The following PPP2R2C variants were observed in gnomAD, a reference collection of about 807,000 sequenced individuals.
PPP2R2C encodes protein phosphatase 2 regulatory subunit Bgamma, also known as protein phosphatase 2, regulatory subunit B, gamma.
PPP2R2C carries 10 observed loss-of-function variants against 45.3 expected under a neutral mutation model. The observed-to-expected ratio is 0.22, with a 90% CI of 0.14 to 0.37. PPP2R2C has a LOEUF of 0.37. PPP2R2C is among the 10% of genes least tolerant of loss of function. PPP2R2C has a pLI of 1.00. For synonymous variants in PPP2R2C, 257 were observed against 245.4 expected (o/e 1.05, Z -0.44); for missense variants, 308 against 619.7 (o/e 0.50, Z 5.34).
chr4:6,559,738 G>A (rs1288217125), intron 1 of PPP2R2C, among the ~76,000 whole-genome samples: 2 of 152,186 alleles, frequency 1.3e-5, no homozygotes, highest in East Asian at 3.9e-4. Context: ...AGAGGGTACT[G>A]CAAGAAGGCA....
intron 1 of PPP2R2C, chr4:6,384,218 G>A (rs1438940932): frequency 6.1e-6 from 6 of 985,464 alleles, no homozygotes; most frequent in Middle Eastern, 5.2e-4. Context: ...GTCCCCGATG[G>A]GGCGCTGGTT....
chr4:6,524,788 A>C (rs978582549), intron 2 of PPP2R2C, among the ~76,000 whole-genome samples: 8 of 152,340 alleles, frequency 5.3e-5, no homozygotes, highest in Middle Eastern at 3.4e-3. Flanking sequence ...AATTTCATTT[A>C]GTTTGAAAAA....
intron 1 of PPP2R2C, among the ~76,000 whole-genome samples, chr4:6,561,429 T>C (rs1220089401): frequency 6.6e-6 from 1 of 150,934 alleles, no homozygotes; most frequent in African/African-American, 2.4e-5. Context: ...CATTTTGCAC[T>C]GAGCCCCACA....
intron 5 of PPP2R2C, chr4:6,348,606 T>C (rs1160756829): frequency 6.1e-6 from 6 of 980,644 alleles, no homozygotes; most frequent in Non-Finnish European, 7.3e-6. Flanking sequence ...CGGCCCCACC[T>C]CGGCTCTGAT....
chr4:6,520,677 C>G (rs1196102486), intron 2 of PPP2R2C, among the ~76,000 whole-genome samples: 1 of 152,212 alleles, frequency 6.6e-6, no homozygotes, highest in Non-Finnish European at 1.5e-5. Flanking sequence ...ACTTTGGAGA[C>G]AGGATGCCAT....
At chr4:6,552,593 C>G (rs1725218724) in intron 1 of PPP2R2C, among the ~76,000 whole-genome samples, 1 of 151,978 alleles carries the variant, frequency 6.6e-6, no homozygotes, top group African/African-American at 2.4e-5. Flanking sequence ...GATTCTGACC[C>G]TCCTACCTCC....
rs575313748 is a variant in PPP2R2C, at chr4:6,469,719, T to A, written c.70+2441A>T. Among the ~76,000 whole-genome samples the A allele has an allele frequency of 5.3e-5, 8 of 152,326 alleles. No homozygotes were observed. The East Asian group carries it at 1.5e-3, about 29-fold the overall frequency. ...AGTCAGAGGCAGGACTTTAACATGA[T>A]TCAAGTCTGACATTCTGACATTCAA... On this transcript the variant is annotated intron_variant, in intron 1 of 8. Transcript: ENST00000382599.
rs1713949880 is a variant in PPP2R2C, at chr4:6,363,058, G to T, written c.625+9465C>A. Among the ~76,000 whole-genome samples the T allele has an allele frequency of 2.6e-5, 4 of 152,158 alleles. No homozygotes were observed. In the South Asian group the frequency reaches 8.3e-4, roughly 32 times the overall value. On this transcript the variant is annotated intron_variant, in intron 5 of 8. Transcript: ENST00000382599. The stretch of plus-strand genomic sequence containing the variant: ...TGTGACACAGCAAGTAGTGACAGTG[G>T]GGTGGGAGGTGGAGATGCTGACCTC...
intron 1 of PPP2R2C, among the ~76,000 whole-genome samples, chr4:6,552,405 G>A (rs962976746): frequency 3.3e-5 from 5 of 152,256 alleles, no homozygotes; most frequent in Admixed American, 2.6e-4. Flanking sequence ...TCGAGCTTCT[G>A]GAGGTGTCCG....
At chr4:6,535,468 A>G (rs1006958402) in intron 1 of PPP2R2C, 1 of 906,548 alleles carries the variant, frequency 1.1e-6, no homozygotes, top group Non-Finnish European at 1.6e-6. Context: ...GAGCACCGCC[A>G]CCCACGGCCG....
chr4:6,330,689 TA>T lies in PPP2R2C; in HGVS notation c.961-1337del, dbSNP rs2109166465. Among the ~76,000 whole-genome samples the T allele has an allele frequency of 6.6e-6, 1 of 152,334 alleles. No individual in the cohort carries two copies. Among genetic ancestry groups the T allele is most frequent in the South Asian group, 2.1e-4 (1 of 4,828 alleles). On this transcript the variant is annotated intron_variant, in intron 7 of 8. Coordinates refer to ENST00000382599, the MANE Select transcript of PPP2R2C (RefSeq NM_020416.4). This position sits in a 1 kb window ranked among gnomAD's most constrained non-coding sequence, Gnocchi z 7.0. ...CAAATCTCCCTTCTTTCTCAGTCTC[TA>T]TCCCCATCCTGTTGGTTCTGTTTCT...
At chr4:6,387,038 T>C (rs1253839197) in intron 1 of PPP2R2C, among the ~76,000 whole-genome samples, 1 of 151,836 alleles carries the variant, frequency 6.6e-6, no homozygotes, top group Non-Finnish European at 1.5e-5. Context: ...TCAATAGAAA[T>C]TACCCAGTCT....
At chr4:6,405,576 T>C (rs570916972) in intron 1 of PPP2R2C, among the ~76,000 whole-genome samples, 3 of 152,280 alleles carry the variant, frequency 2.0e-5, no homozygotes, top group African/African-American at 7.2e-5. Flanking sequence ...TTCATTACTC[T>C]TTATGGCTTC....
At chr4:6,530,441 G>A (rs375792642) in intron 2 of PPP2R2C, among the ~76,000 whole-genome samples, 27 of 152,130 alleles carry the variant, frequency 1.8e-4, no homozygotes, top group African/African-American at 6.3e-4. Context: ...CCCTCTGCCC[G>A]GGAGGCGCTG....
chr4:6,349,003 C>T, intron 5 of PPP2R2C: 1 of 985,310 alleles, frequency 1.0e-6, no homozygotes, highest in Non-Finnish European at 1.2e-6. Flanking sequence ...TGGATTCAGC[C>T]TCACAACCTC....
chr4:6,490,459 C>T (rs187371776), intron 2 of PPP2R2C, among the ~76,000 whole-genome samples: 3 of 152,304 alleles, frequency 2.0e-5, no homozygotes, highest in East Asian at 1.9e-4. Flanking sequence ...AAAATGATTG[C>T]TCACAAATTA....
intron 2 of PPP2R2C, among the ~76,000 whole-genome samples, chr4:6,482,910 C>T (rs1302080636): frequency 6.6e-6 from 1 of 152,052 alleles, no homozygotes. Context: ...GAGAGCGTTT[C>T]CTTAGAATAA....
intron 1 of PPP2R2C, among the ~76,000 whole-genome samples, chr4:6,386,306 A>G (rs1716204429): frequency 6.6e-6 from 1 of 152,182 alleles, no homozygotes; most frequent in African/African-American, 2.4e-5. Context: ...CCAGAGTCTC[A>G]CTGGCTTGAT....
rs202247157 is a variant in PPP2R2C, at chr4:6,347,850, G to A, written c.786C>T (p.Ser262=). ...MRAAALCDKH[S]KLFEEPEDPS... The stretch of plus-strand genomic sequence containing the variant: ...CCCCCAGGCACCGGCACTTACGCTT[G>A]GAATGCTTGTCACACAGGGCAGCTG... Residue 262 remains serine (S), a synonymous_variant, in exon 6 of 9, where the codon TCC becomes TCT. Coordinates refer to ENST00000382599, the MANE Select transcript of PPP2R2C (RefSeq NM_020416.4). 6.2e-7 allele frequency: 1 copy of A among 1,608,154 alleles called. No homozygotes were observed. The highest frequency in any genetic ancestry group is 8.5e-7 in the Non-Finnish European group (1 of 1,178,384).
Sources: allele counts gnomAD v4.1 joint callset (sites outside exome capture counted in the v4.1 genomes callset), GRCh38; gene constraint gnomAD v4.1.1; non-coding constraint Gnocchi (gnomAD v3.1); transcripts MANE v1.5; gene names NCBI Gene and HGNC (gene_info 2026-07-23, HGNC 2026-07-21).